The following PRKN variants were observed in gnomAD, a reference collection of about 807,000 sequenced individuals.
PRKN encodes E3 ubiquitin-protein ligase parkin.
PRKN carries 56 observed loss-of-function variants against 59.5 expected under a neutral mutation model. That is an observed-to-expected ratio of 0.94 (90% CI 0.76 to 1.18). The LOEUF is 1.18. Ranked by LOEUF, PRKN falls within the 50% of genes most tolerant of loss-of-function variation. The pLI, the probability that PRKN is intolerant of heterozygous loss-of-function variation, is 0.00. For missense variants in PRKN, 657 were observed against 596.4 expected (o/e 1.10, Z -1.06); for synonymous variants, 250 against 222.1 (o/e 1.13, Z -1.12).
chr6:162,450,093 A>G (rs570598606), intron 1 of PRKN, among the ~76,000 whole-genome samples: 1 of 152,286 alleles, frequency 6.6e-6, no homozygotes, highest in South Asian at 2.1e-4. Flanking sequence ...ACAGAAGAAA[A>G]TGAGTCAGAA....
At chr6:161,855,788 G>A (rs1793626022) in intron 6 of PRKN, among the ~76,000 whole-genome samples, 1 of 152,128 alleles carries the variant, frequency 6.6e-6, no homozygotes, top group Non-Finnish European at 1.5e-5. Context: ...TAAGAACAAT[G>A]TAAGAAAAGA....
intron 4 of PRKN, among the ~76,000 whole-genome samples, chr6:162,096,638 T>C (rs1382083279): frequency 1.3e-5 from 2 of 152,100 alleles, no homozygotes; most frequent in Non-Finnish European, 2.9e-5. Context: ...GATCTGATGG[T>C]TGTATAAGGG....
At chr6:161,553,025 G>A (rs909548060) in intron 8 of PRKN, among the ~76,000 whole-genome samples, 2 of 151,030 alleles carry the variant, frequency 1.3e-5, no homozygotes, top group Non-Finnish European at 2.9e-5. Context: ...TCCTGACCTC[G>A]TGATCTGCCT....
At chr6:162,446,418 T>A (rs991330562) in intron 1 of PRKN, among the ~76,000 whole-genome samples, 1 of 152,110 alleles carries the variant, frequency 6.6e-6, no homozygotes. Context: ...ATCATGGAAC[T>A]CCTACTGCAA....
intron 1 of PRKN, among the ~76,000 whole-genome samples, chr6:162,447,750 C>A (rs1790391383): frequency 6.6e-6 from 1 of 152,068 alleles, no homozygotes; most frequent in Non-Finnish European, 1.5e-5. Context: ...ATGATTCTGG[C>A]TGCTCCTCAA....
intron 9 of PRKN, among the ~76,000 whole-genome samples, chr6:161,469,779 G>A (rs117945968): frequency 7.7e-4 from 118 of 152,298 alleles, no homozygotes; most frequent in Non-Finnish European, 1.4e-3. Context: ...CTACAGAGCT[G>A]TAAGAAAATA....
At chr6:162,264,295 T>A (rs1780026447) in intron 2 of PRKN, among the ~76,000 whole-genome samples, 1 of 151,972 alleles carries the variant, frequency 6.6e-6, no homozygotes, top group Non-Finnish European at 1.5e-5. Flanking sequence ...TAAAATTAAA[T>A]TAAATTAAAT....
At chr6:161,558,142 G>C (rs962601593) in intron 8 of PRKN, among the ~76,000 whole-genome samples, 1 of 152,182 alleles carries the variant, frequency 6.6e-6, no homozygotes, top group Non-Finnish European at 1.5e-5. Context: ...CCACAAAGAA[G>C]TGCCATCTTT....
intron 2 of PRKN, among the ~76,000 whole-genome samples, chr6:162,265,991 G>A (rs1332934783): frequency 6.6e-6 from 1 of 152,176 alleles, no homozygotes; most frequent in Admixed American, 6.6e-5. Context: ...CACTCCTCCA[G>A]CTGTGCACAG....
chr6:162,571,046 G>A lies in PRKN; in HGVS notation c.8-127573C>T, dbSNP rs908014207. Among the ~76,000 whole-genome samples the A allele has an allele frequency of 5.3e-5, 8 of 152,028 alleles. No individual in the cohort carries two copies. In the East Asian group the frequency reaches 9.7e-4, roughly 18 times the overall value. On this transcript the variant is annotated intron_variant, in intron 1 of 11. Transcript: ENST00000366898. Reference sequence around the variant, plus strand: ...GCCTGTATCAAAATATCTCATGGCTGGGCACAGTGGCTCATGCCTATAATG... The same window carrying A: ...GCCTGTATCAAAATATCTCATGGCTAGGCACAGTGGCTCATGCCTATAATG...
At chr6:161,596,252 T>C (rs1343147226) in intron 7 of PRKN, among the ~76,000 whole-genome samples, 1 of 151,984 alleles carries the variant, frequency 6.6e-6, no homozygotes, top group Non-Finnish European at 1.5e-5. Flanking sequence ...GCTCTTTCCC[T>C]AAAGAGAAGG....
intron 3 of PRKN, among the ~76,000 whole-genome samples, chr6:162,207,756 C>T (rs1210814332): frequency 6.6e-6 from 1 of 152,140 alleles, no homozygotes; most frequent in East Asian, 1.9e-4. Context: ...TGGATACAAC[C>T]TCTCTGTGTG....
At chr6:162,320,617 T>G (rs1782978358) in intron 2 of PRKN, among the ~76,000 whole-genome samples, 1 of 151,728 alleles carries the variant, frequency 6.6e-6, no homozygotes, top group Non-Finnish European at 1.5e-5. Flanking sequence ...GCCAGGATAT[T>G]GTGCTGCTAA....
intron 2 of PRKN, among the ~76,000 whole-genome samples, chr6:162,318,001 C>A (rs1042877781): frequency 6.6e-6 from 1 of 151,948 alleles, no homozygotes; most frequent in Non-Finnish European, 1.5e-5. Context: ...CCAACCAACA[C>A]CACCATCCAA....
chr6:162,231,717 G>C (rs1778426388), intron 3 of PRKN, among the ~76,000 whole-genome samples: 1 of 152,148 alleles, frequency 6.6e-6, no homozygotes, highest in Non-Finnish European at 1.5e-5. Flanking sequence ...CTGAGGTTTT[G>C]GTATTGTGAA....
rs1787322568 is a variant in PRKN at position 161,407,301 on chromosome 6, C to T, written c.1084-20424G>A. 6.6e-6 allele frequency among the ~76,000 whole-genome samples: 1 copy of T among 151,754 alleles called. No individual in the cohort carries two copies. Among genetic ancestry groups the T allele is most frequent in the African/African-American group, 2.4e-5 (1 of 41,258 alleles). Reference sequence around the variant, plus strand: ...ACTTGATAAATAAGAAACAATATTGCTTCTCATTTGGCAAAGCTGAAAAGG... The same window carrying T: ...ACTTGATAAATAAGAAACAATATTGTTTCTCATTTGGCAAAGCTGAAAAGG... On this transcript the variant is annotated intron_variant, in intron 9 of 11. Coordinates refer to ENST00000366898, the MANE Select transcript of PRKN (RefSeq NM_004562.3). This position sits in a 1 kb window ranked among gnomAD's most constrained non-coding sequence, Gnocchi z 4.9.
Position 162,108,338 on chromosome 6 carries a change from C to G in PRKN, c.535-54164G>C, listed in dbSNP as rs146005153. The stretch of plus-strand genomic sequence containing the variant: ...TGCTTCTTTCTGTGACCCAGCCTCA[C>G]TAAATGCACTAGGAATCAGCGCACT... On this transcript the variant is annotated intron_variant, in intron 4 of 11. Coordinates refer to ENST00000366898, the MANE Select transcript of PRKN (RefSeq NM_004562.3). Among the ~76,000 whole-genome samples the G allele has an allele frequency of 3.9e-4, 59 of 152,296 alleles. 1 individual carries two copies. The East Asian group carries it at 8.9e-3, about 23-fold the overall frequency.
intron 6 of PRKN, among the ~76,000 whole-genome samples, chr6:161,970,839 C>T (rs182690026): frequency 1.0e-3 from 159 of 152,248 alleles, no homozygotes; most frequent in African/African-American, 3.6e-3. Context: ...TGTCTGGCCA[C>T]TTCTAATGCT....
At chr6:161,858,261 T>C (rs978111288) in intron 6 of PRKN, among the ~76,000 whole-genome samples, 2 of 152,176 alleles carry the variant, frequency 1.3e-5, no homozygotes, top group African/African-American at 4.8e-5. Flanking sequence ...ACATGAGACA[T>C]GATATGTGAA....
Sources: allele counts gnomAD v4.1 joint callset (sites outside exome capture counted in the v4.1 genomes callset), GRCh38; gene constraint gnomAD v4.1.1; non-coding constraint Gnocchi (gnomAD v3.1); transcripts MANE v1.5; gene names NCBI Gene and HGNC (gene_info 2026-07-23, HGNC 2026-07-21).